Variants in IDH3B observed in about 807,000 individuals in gnomAD.
IDH3B encodes isocitrate dehydrogenase (NAD(+)) 3 non-catalytic subunit beta, also known as isocitrate dehydrogenase [NAD] subunit beta, mitochondrial.
In IDH3B, 40 loss-of-function variants were observed where a neutral mutation model predicts 47.5. The ratio of observed to expected loss-of-function variants is 0.84; its 90% CI spans 0.65 to 1.10. IDH3B has a LOEUF of 1.10. Among genes scored for constraint, IDH3B ranks in the 50% least tolerant of loss-of-function variants. The probability of loss-of-function intolerance (pLI) is 0.00; values close to 1 mark genes in which losing one functional copy is unlikely to be tolerated. For missense variants in IDH3B, 450 were observed against 505.2 expected, an observed-to-expected ratio of 0.89 and a Z score of 1.05; for synonymous variants, 185 against 191.0, an observed-to-expected ratio of 0.97 and a Z score of 0.26.
chr20:2,663,742 A>C lies in IDH3B; in HGVS notation c.134T>G (p.Val45Gly). ...CATGGTCACGGGAAAGGAGCCCTCC[A>C]CCCTCACGTCCTCGGCCTCAATTGG... Reference protein sequence around the residue: ...ASRSQAEDVRVEGSFPVTMLP... With the variant: ...ASRSQAEDVRGEGSFPVTMLP... Residue 45 changes from valine to glycine, a missense_variant, in exon 3 of 12, where the codon GTG becomes GGG. By Grantham distance (109) the Val-to-Gly change is moderately radical. Transcript: ENST00000380843. The C allele has an allele frequency of 6.2e-7, 1 of 1,613,894 alleles. No individual in the cohort carries two copies. The highest frequency in any genetic ancestry group is 1.1e-5 in the South Asian group (1 of 91,076).
At chr20:2,661,272 C>T (rs1452039607) in intron 4 of IDH3B, among the ~76,000 whole-genome samples, 1 of 152,144 alleles carries the variant, frequency 6.6e-6, no homozygotes, top group East Asian at 1.9e-4. Context: ...CCTGGGCTCA[C>T]TGCAACCTCT....
rs2086866654 is a variant in IDH3B at position 2,658,600 on chromosome 20, C to T, written c.*151G>A. On this transcript the variant is annotated 3_prime_UTR_variant, in exon 12 of 12. Coordinates refer to ENST00000380843, the MANE Select transcript of IDH3B (RefSeq NM_006899.5). ...CCCCATCACCACCCAACAGTCTGTC[C>T]CCTAAGGAAGCCGGCCCAAGGACAA... is the stretch of plus-strand genomic sequence containing the variant. The T allele has an allele frequency of 1.2e-6, 2 of 1,612,482 alleles. No individual in the cohort carries two copies. The highest frequency in any genetic ancestry group is 1.7e-5 in the Admixed American group (1 of 59,608).
chr20:2,658,851 C>G lies in IDH3B; in HGVS notation c.1072-14G>C. ...TCGAGTCCGCACCTACAGCCACCACCGGCAACAGCCGTGGGGAGGGAGAAA... is the reference window on the plus strand; with the variant it reads ...TCGAGTCCGCACCTACAGCCACCACGGGCAACAGCCGTGGGGAGGGAGAAA... On this transcript the variant is annotated splice_polypyrimidine_tract_variant and intron_variant, in intron 11 of 11. Transcript: ENST00000380843. 4 of 1,613,976 alleles carry G rather than the reference C, an allele frequency of 2.5e-6. No individual in the cohort carries two copies. Among genetic ancestry groups the G allele is most frequent in the Non-Finnish European group, 3.4e-6 (4 of 1,180,018 alleles).
At position 2,663,990 on chromosome 20, in the gene IDH3B, C is replaced by G. The variant is rs759097176; in HGVS notation, c.52G>C (p.Gly18Arg). ...RWLTRALVSAGNPGAWRGLST... is the reference protein window; with the variant it reads ...RWLTRALVSARNPGAWRGLST... ...AGACCTCTCCATGCCCCAGGGTTCC[C>G]GGCGGAGACCAGCGCCTGCAACAGG... The change falls in exon 2 of 12, where the codon GGG (glycine) becomes CGG (arginine). Residue 18 changes from glycine to arginine, a missense_variant. Gly to Arg is a moderately radical substitution (Grantham distance 125). Coordinates refer to ENST00000380843, the MANE Select transcript of IDH3B (RefSeq NM_006899.5). The G allele has an allele frequency of 3.1e-6, 5 of 1,614,158 alleles. No homozygotes were observed. The Admixed American group carries it at 5.0e-5, about 16-fold the overall frequency.
At chr20:2,663,864 G>A (rs2086996145) in intron 2 of IDH3B, 61 bp downstream of exon 2, 4 of 1,597,806 alleles carry the variant, frequency 2.5e-6, no homozygotes, top group African/African-American at 2.7e-5. Flanking sequence ...AAAAGCCAGG[G>A]GAGGGAGCAG....
chr20:2,662,823 C>T (rs1273741432), intron 4 of IDH3B, among the ~76,000 whole-genome samples: 1 of 152,126 alleles, frequency 6.6e-6, no homozygotes, highest in Non-Finnish European at 1.5e-5. Flanking sequence ...CATGGTGGCA[C>T]GCTCCTGTAA....
At position 2,660,458 on chromosome 20, in the gene IDH3B, T is replaced by A. The variant is rs942955814; in HGVS notation, c.664A>T (p.Met222Leu). Residue 222 changes from methionine to leucine, a missense_variant and splice_region_variant, in exon 7 of 12, where the codon ATG (methionine) becomes TTG (leucine). Coordinates refer to ENST00000380843, the MANE Select transcript of IDH3B (RefSeq NM_006899.5). The surrounding 1 kb of genome is among the most constrained non-coding windows in gnomAD (Gnocchi z 5.6). ...CCTACACAAAGCCATGCCCCTCACA[T>A]GATGTTGGCCTTGTGGACAGCAGTG... ...KVTAVHKANI[M>L]KLGDGLFLQC... 2.5e-6 allele frequency: 4 copies of A among 1,613,840 alleles called. No individual in the cohort carries two copies. Among genetic ancestry groups the A allele is most frequent in the Non-Finnish European group, 3.4e-6 (4 of 1,179,960 alleles).
In IDH3B at chr20:2,663,909, C is replaced by A. The variant is rs1568551966; in HGVS notation, c.117+16G>T. 6.2e-7 allele frequency: 1 copy of A among 1,613,532 alleles called. No individual in the cohort carries two copies. Among genetic ancestry groups the A allele is most frequent in the Non-Finnish European group, 8.5e-7 (1 of 1,179,586 alleles). On this transcript the variant is annotated intron_variant, in intron 2 of 11. Transcript: ENST00000380843. ...GACAGGGTCGTAAGAGAGACCCCAGCCAGATTCGTGCATACCTGGCTCCGC... is the reference window on the plus strand; with the variant it reads ...GACAGGGTCGTAAGAGAGACCCCAGACAGATTCGTGCATACCTGGCTCCGC...
intron 11 of IDH3B, 26 bp from the exon 12 acceptor site, chr20:2,658,863 TGG>T (rs1568546385): frequency 6.2e-7 from 1 of 1,612,954 alleles, no homozygotes; most frequent in East Asian, 2.2e-5. Flanking sequence ...GCAACAGCCG[TGG>T]GGAGGGAGAA....
At position 2,663,645 on chromosome 20, in the gene IDH3B, C is replaced by A. The variant is rs780103581; in HGVS notation, c.216+15G>T. On this transcript the variant is annotated intron_variant, in intron 3 of 11. Coordinates refer to ENST00000380843, the MANE Select transcript of IDH3B (RefSeq NM_006899.5). ...CACTACTGTCCTCTACTGTCTGATCCCCGAGGCCACTCACCTTGAACACCT... is the reference window on the plus strand; with the variant it reads ...CACTACTGTCCTCTACTGTCTGATCACCGAGGCCACTCACCTTGAACACCT... The A allele has an allele frequency of 6.2e-7, 1 of 1,614,074 alleles. No individual in the cohort carries two copies. Among genetic ancestry groups the A allele is most frequent in the Non-Finnish European group, 8.5e-7 (1 of 1,180,032 alleles).
chr20:2,658,539 T>C lies in IDH3B; in HGVS notation c.*212A>G, dbSNP rs886056567. The C allele has an allele frequency of 6.2e-6, 10 of 1,613,614 alleles. No homozygotes were observed. Among genetic ancestry groups the C allele is most frequent in the Admixed American group, 1.7e-5 (1 of 59,926 alleles). ...GGTTCGAACCTGTGGGGGAGAATCA[T>C]CATCATCCATGTGGCCTGGGCTCCA... On this transcript the variant is annotated 3_prime_UTR_variant, in exon 12 of 12. Transcript: ENST00000380843.
In IDH3B at chr20:2,664,056, C is replaced by T. The variant is rs150120066; in HGVS notation, c.37-51G>A. 8.3e-5 allele frequency: 134 copies of T among 1,611,208 alleles called. No homozygotes were observed. In the African/African-American group the frequency reaches 1.4e-3, roughly 17 times the overall value. On this transcript the variant is annotated intron_variant, in intron 1 of 11. Coordinates refer to ENST00000380843, the MANE Select transcript of IDH3B (RefSeq NM_006899.5). ...AAGGTCAGCTTTGAGACATCCAGAC[C>T]CCGAACACTACAGTTGACTTTGCCC...
rs759779819 is a variant in IDH3B at position 2,660,001 on chromosome 20, G to A, written c.915+29C>T. On this transcript the variant is annotated intron_variant, in intron 9 of 11. Transcript: ENST00000380843. This position sits in a 1 kb window ranked among gnomAD's most constrained non-coding sequence, Gnocchi z 5.6. ...GAGGAATGGCGGACTTGAGGTCAGA[G>A]GAAGGGCCGAGGGAGAAAGCAGCCT... The A allele has an allele frequency of 3.7e-6, 6 of 1,613,928 alleles. No individual in the cohort carries two copies. The highest frequency in any genetic ancestry group is 5.1e-6 in the Non-Finnish European group (6 of 1,179,858).
Position 2,660,940 on chromosome 20 carries a change from C to A in IDH3B, c.367G>T (p.Gly123Trp). The A allele has an allele frequency of 6.2e-7, 1 of 1,614,144 alleles. No individual in the cohort carries two copies. Among genetic ancestry groups the A allele is most frequent in the South Asian group, 1.1e-5 (1 of 91,068 alleles). The change falls in exon 5 of 12, where the codon GGG (glycine) becomes TGG (tryptophan). Residue 123 changes from glycine (G) to tryptophan (W), a missense_variant. By Grantham distance (184) the Gly-to-Trp change is radical. Transcript: ENST00000380843. This position sits in a 1 kb window ranked among gnomAD's most constrained non-coding sequence, Gnocchi z 5.6. ...CGCATATCATAGGAGGCTAGCTCCC[C>A]CTTATACTCCATCGGGGTATGAATC... ...GKIHTPMEYK[G>W]ELASYDMRLR...
rs759496167 is a variant in IDH3B, at chr20:2,664,179, A to G, written c.10T>C (p.Leu4=). 4.3e-6 allele frequency: 7 copies of G among 1,613,646 alleles called. No homozygotes were observed. The highest frequency in any genetic ancestry group is 2.2e-5 in the East Asian group (1 of 44,872). Residue 4 remains leucine, a synonymous_variant, in exon 1 of 12, where the codon TTG becomes CTG. Transcript: ENST00000380843. The stretch of plus-strand genomic sequence containing the variant: ...CGGGTCAGCCAGCGGACTCCGCTCA[A>G]TGCCGCCATGTTTCCCGCAGGAAGT... The part of the protein sequence containing the change: MAA[L]SGVRWLTRAL...
intron 11 of IDH3B, 29 bp downstream of exon 11, chr20:2,659,496 T>C: frequency 6.2e-7 from 1 of 1,611,408 alleles, no homozygotes; most frequent in African/African-American, 1.3e-5. Flanking sequence ...CTCTAAATCC[T>C]GAAGCCAGCA....
chr20:2,660,672 C>G lies in IDH3B; in HGVS notation c.531+25G>C. The stretch of plus-strand genomic sequence containing the variant: ...ACCTCTCTCCCATCTTCATCCTTGC[C>G]CTCCCCCAGTTTCTGGGGCCTCACC... On this transcript the variant is annotated intron_variant, in intron 6 of 11. Coordinates refer to ENST00000380843, the MANE Select transcript of IDH3B (RefSeq NM_006899.5). The surrounding 1 kb of genome is among the most constrained non-coding windows in gnomAD (Gnocchi z 5.6). The G allele has an allele frequency of 6.2e-7, 1 of 1,614,152 alleles. No individual in the cohort carries two copies. Among genetic ancestry groups the G allele is most frequent in the Non-Finnish European group, 8.5e-7 (1 of 1,180,024 alleles).
intron 11 of IDH3B, chr20:2,659,271 G>C (rs1438319570): frequency 6.9e-7 from 1 of 1,452,582 alleles, no homozygotes; most frequent in Non-Finnish European, 9.0e-7. Context: ...CCCATGAAAA[G>C]GGCAGTGGAT....
intron 4 of IDH3B, 124 bp downstream of exon 4, chr20:2,663,322 A>G: frequency 1.7e-6 from 2 of 1,178,710 alleles, no homozygotes; most frequent in East Asian, 2.3e-5. Context: ...CAAATGTCCA[A>G]ATACCAATGG....
Sources: gnomAD v4.1 joint callset for allele counts (sites outside exome capture counted in the v4.1 genomes callset) on GRCh38, gnomAD v4.1.1 for gene constraint, Gnocchi (gnomAD v3.1) non-coding constraint, MANE v1.5 for transcripts, NCBI Gene and HGNC (gene_info 2026-07-23, HGNC 2026-07-21) for gene names.